The following ZDHHC21 variants were observed in gnomAD, a reference collection of about 807,000 sequenced individuals.
The protein encoded by ZDHHC21 is zDHHC palmitoyltransferase 21, also known as palmitoyltransferase ZDHHC21.
Under a neutral mutation model 34.6 loss-of-function variants are expected in ZDHHC21, and 15 were observed. That is an observed-to-expected ratio of 0.43 (90% CI 0.29 to 0.67). The LOEUF (loss-of-function observed/expected upper bound fraction) is 0.67. ZDHHC21 is among the 30% of genes least tolerant of loss of function. The probability of loss-of-function intolerance (pLI) is 0.14; values close to 1 mark genes in which losing one functional copy is unlikely to be tolerated. For synonymous variants in ZDHHC21, 142 were observed against 101.8 expected (o/e 1.40, Z -2.38); for missense variants, 344 against 327.7 (o/e 1.05, Z -0.38).
chr9:14,693,240 G>C lies in ZDHHC21; in HGVS notation c.-236C>G, dbSNP rs1480490237. ...GCCTGCACACTCACCGTCGCCGCTG[G>C]CTCGCCTCTCGCTGCCGCCGCTCTC... On this transcript the variant is annotated 5_prime_UTR_variant, in exon 1 of 10. Transcript: ENST00000380916. The C allele has an allele frequency of 4.9e-6, 2 of 409,232 alleles. No individual in the cohort carries two copies. The highest frequency in any genetic ancestry group is 2.7e-5 in the Admixed American group (1 of 36,688). The allele number at this position is 409,232 out of a possible 1,614,324, so 25.4% of individuals were successfully genotyped here. A position where few individuals can be genotyped will look rare whatever the true frequency, so the allele number is the denominator to read the frequency against.
intron 5 of ZDHHC21, among the ~76,000 whole-genome samples, chr9:14,671,936 A>G (rs1051502148): frequency 6.6e-6 from 1 of 152,168 alleles, no homozygotes; most frequent in Non-Finnish European, 1.5e-5. Flanking sequence ...ACACATGAAC[A>G]ATTCAAGTAA....
At chr9:14,645,406 G>A (rs1451870266) in intron 7 of ZDHHC21, among the ~76,000 whole-genome samples, 2 of 151,964 alleles carry the variant, frequency 1.3e-5, no homozygotes, top group Admixed American at 6.6e-5. Context: ...ATTCATCTAT[G>A]AAAAAACTGA....
intron 2 of ZDHHC21, among the ~76,000 whole-genome samples, chr9:14,684,774 G>C (rs1838011415): frequency 6.6e-6 from 1 of 152,134 alleles, no homozygotes; most frequent in Non-Finnish European, 1.5e-5. Flanking sequence ...AACAAAGCTG[G>C]AGGCATCACG....
intron 7 of ZDHHC21, among the ~76,000 whole-genome samples, chr9:14,642,173 A>G (rs1005599074): frequency 1.7e-4 from 26 of 152,248 alleles, no homozygotes; most frequent in African/African-American, 6.0e-4. Flanking sequence ...AAAATACAGT[A>G]GTAAAAAAAC....
chr9:14,623,398 A>C (rs779840073), intron 8 of ZDHHC21, among the ~76,000 whole-genome samples: 1 of 151,920 alleles, frequency 6.6e-6, no homozygotes, highest in Non-Finnish European at 1.5e-5. Flanking sequence ...GCATGGTGGC[A>C]TGTGCCTGTA....
At chr9:14,659,853 T>C (rs996555528) in intron 6 of ZDHHC21, among the ~76,000 whole-genome samples, 1 of 152,086 alleles carries the variant, frequency 6.6e-6, no homozygotes, top group African/African-American at 2.4e-5. Context: ...GCAAGCAGGA[T>C]TATAAGAGAA....
At chr9:14,603,789 A>C in the ZDHHC21 span, among the ~76,000 whole-genome samples, 1 of 152,194 alleles carries the variant, frequency 6.6e-6, no homozygotes, top group East Asian at 1.9e-4. Context: ...AATACAATCA[A>C]GTGGATCCTG....
chr9:14,610,898 A>T (rs1024916435), downstream of ZDHHC21, among the ~76,000 whole-genome samples: 2 of 152,018 alleles, frequency 1.3e-5, no homozygotes, highest in African/African-American at 2.4e-5. Flanking sequence ...TTCTTTTTGA[A>T]TACTTAATGA....
In ZDHHC21 at chr9:14,616,567, A is replaced by T. The variant is rs1824207213; in HGVS notation, c.*2399T>A. 6.6e-6 allele frequency: 1 copy of T among 151,874 alleles called. No homozygotes were observed. Among genetic ancestry groups the T allele is most frequent in the South Asian group, 2.1e-4 (1 of 4,820 alleles). The allele number at this position is 151,874 out of a possible 1,614,324, so 9.4% of individuals were successfully genotyped here. A position where few individuals can be genotyped will look rare whatever the true frequency, so the allele number is the denominator to read the frequency against. On this transcript the variant is annotated 3_prime_UTR_variant, in exon 10 of 10. Transcript: ENST00000380916. ...CCAGTATAATTACATCAATTAGCCA[A>T]AAGAGGGCGCAGAAACAACACCAGT...
At chr9:14,598,473 T>A in the ZDHHC21 span, among the ~76,000 whole-genome samples, 4 of 151,988 alleles carry the variant, frequency 2.6e-5, no homozygotes, top group Admixed American at 2.6e-4. Flanking sequence ...TGAAAGCCAA[T>A]CCATAAAAAG....
chr9:14,644,126 C>A (rs1360441910), intron 7 of ZDHHC21, among the ~76,000 whole-genome samples: 1 of 152,134 alleles, frequency 6.6e-6, no homozygotes, highest in Non-Finnish European at 1.5e-5. Flanking sequence ...TTTAATTCAG[C>A]AATTTCCTGT....
At chr9:14,685,951 A>G (rs1234496584) in intron 2 of ZDHHC21, among the ~76,000 whole-genome samples, 1 of 152,124 alleles carries the variant, frequency 6.6e-6, no homozygotes, top group Non-Finnish European at 1.5e-5. Flanking sequence ...AAACTATTAC[A>G]AGGACAGAAA....
chr9:14,682,620 T>TAGAC, intron 2 of ZDHHC21, among the ~76,000 whole-genome samples: 1 of 151,112 alleles, frequency 6.6e-6, no homozygotes, highest in Admixed American at 6.6e-5. Flanking sequence ...CTGTCAACAT[T>TAGAC]AGATCAACGA....
chr9:14,630,420 C>T (rs1334816642), intron 8 of ZDHHC21, among the ~76,000 whole-genome samples: 1 of 152,180 alleles, frequency 6.6e-6, no homozygotes, highest in African/African-American at 2.4e-5. Flanking sequence ...ATTTCTAGCA[C>T]ATCTTTAGTT....
intron 8 of ZDHHC21, among the ~76,000 whole-genome samples, chr9:14,624,870 CA>C (rs1825936444): frequency 3.9e-5 from 6 of 151,988 alleles, no homozygotes; most frequent in Admixed American, 3.3e-4. Context: ...TTGATCATTA[CA>C]TTATGTATAC....
intron 5 of ZDHHC21, among the ~76,000 whole-genome samples, chr9:14,665,391 T>C (rs1252148348): frequency 1.2e-3 from 174 of 142,432 alleles, no homozygotes; most frequent in African/African-American, 4.2e-3. Flanking sequence ...CTGAAAGTGA[T>C]GGGGAGAATG....
rs1427567538 is a variant in ZDHHC21 at position 14,613,603 on chromosome 9, C to G, written c.*5363G>C. 6.6e-6 allele frequency: 1 copy of G among 151,656 alleles called. No individual in the cohort carries two copies. The highest frequency in any genetic ancestry group is 1.5e-5 in the Non-Finnish European group (1 of 67,752). 9.4% of individuals were successfully genotyped at this position (151,656 alleles called of 1,614,324 possible). A position where few individuals can be genotyped will look rare whatever the true frequency, so the allele number is the denominator to read the frequency against. ...TTGTTTATATATAAAGCTATCGATA[C>G]CAAAAAAATCAGTGTTGAACTGTTA... On this transcript the variant is annotated 3_prime_UTR_variant, in exon 10 of 10. Coordinates refer to ENST00000380916, the MANE Select transcript of ZDHHC21 (RefSeq NM_178566.6).
the ZDHHC21 span, among the ~76,000 whole-genome samples, chr9:14,602,089 A>G: frequency 6.6e-6 from 1 of 152,054 alleles, no homozygotes; most frequent in Non-Finnish European, 1.5e-5. Context: ...TGGCAAGTGT[A>G]TATCTATGTA....
At chr9:14,682,511 C>G (rs181332358) in intron 2 of ZDHHC21, among the ~76,000 whole-genome samples, 2 of 152,122 alleles carry the variant, frequency 1.3e-5, no homozygotes. Context: ...ATAAATGCAC[C>G]CAATACAGGA....
Sources: allele counts gnomAD v4.1 joint callset (sites outside exome capture counted in the v4.1 genomes callset), GRCh38; gene constraint gnomAD v4.1.1; transcripts MANE v1.5; gene names NCBI Gene and HGNC (gene_info 2026-07-23, HGNC 2026-07-21).